Variants in SFMBT1 observed in about 807,000 individuals in gnomAD.
SFMBT1 encodes Scm like with four mbt domains 1, also known as scm-like with four MBT domains protein 1.
A neutral mutation model predicts 108.7 loss-of-function variants in SFMBT1; 32 were observed. The ratio of observed to expected loss-of-function variants is 0.29; its 90% CI spans 0.22 to 0.40. The LOEUF (loss-of-function observed/expected upper bound fraction) is 0.40, where lower values mean the gene tolerates loss of function less well. SFMBT1 is among the 10% of genes least tolerant of loss of function. The pLI is 1.00. For missense variants in SFMBT1, 816 were observed against 1,059.6 expected (o/e 0.77, Z 3.19); for synonymous variants, 348 against 369.5 (o/e 0.94, Z 0.67).
At position 53,002,967 on chromosome 3, in the gene SFMBT1, T is replaced by TA. The variant is rs112121597; in HGVS notation, c.-130-33710dup. ...TAAAACCCTGTCACTACTCAAAATA[T>TA]AAAAATTAGCCAGGTATGGTAGCAC... On this transcript the variant is annotated intron_variant, in intron 1 of 20. Transcript: ENST00000394752. Among the ~76,000 whole-genome samples the TA allele has an allele frequency of 2.6e-3, 384 of 148,832 alleles. 9 individuals carry two copies. The highest frequency in any genetic ancestry group is 8.9e-3 in the African/African-American group (365 of 41,088).
intron 1 of SFMBT1, among the ~76,000 whole-genome samples, chr3:53,018,553 AC>A (rs1370471855): frequency 6.6e-6 from 1 of 151,476 alleles, no homozygotes; most frequent in African/African-American, 2.4e-5. Context: ...GTAAAAGAAA[AC>A]CCCTTTGTGC....
At chr3:53,036,544 C>T (rs1179540041) in intron 1 of SFMBT1, among the ~76,000 whole-genome samples, 1 of 152,206 alleles carries the variant, frequency 6.6e-6, no homozygotes, top group East Asian at 1.9e-4. Flanking sequence ...GGACTGGCGT[C>T]TTTGGGGTAG....
chr3:53,044,231 T>C (rs1489991592), intron 1 of SFMBT1, among the ~76,000 whole-genome samples: 1 of 152,222 alleles, frequency 6.6e-6, no homozygotes, highest in African/African-American at 2.4e-5. Context: ...CCTCTCAAAA[T>C]ATACACTGTG....
At chr3:53,008,856 C>T (rs1218419751) in intron 1 of SFMBT1, among the ~76,000 whole-genome samples, 2 of 151,956 alleles carry the variant, frequency 1.3e-5, no homozygotes, top group Non-Finnish European at 2.9e-5. Flanking sequence ...AGGATGGTCT[C>T]CATCTCCTGA....
At chr3:52,983,641 G>A (rs1054118304) in intron 1 of SFMBT1, among the ~76,000 whole-genome samples, 3 of 152,194 alleles carry the variant, frequency 2.0e-5, no homozygotes, top group Admixed American at 1.3e-4. Flanking sequence ...AGGGAAATGA[G>A]GAAGTGAGCC....
At chr3:52,916,705 C>CAAA (rs58766465) in intron 13 of SFMBT1, among the ~76,000 whole-genome samples, 71 of 151,082 alleles carry the variant, frequency 4.7e-4, no homozygotes, top group South Asian at 8.3e-4. Context: ...ACAACAACAA[C>CAAA]AAAAAACTAC....
chr3:53,034,383 C>G (rs1699797500), intron 1 of SFMBT1, among the ~76,000 whole-genome samples: 1 of 151,996 alleles, frequency 6.6e-6, no homozygotes, highest in African/African-American at 2.4e-5. Context: ...TTGAGACCAG[C>G]CTGACCAACA....
intron 10 of SFMBT1, among the ~76,000 whole-genome samples, chr3:52,925,631 T>C (rs765904161): frequency 1.3e-5 from 2 of 152,256 alleles, no homozygotes; most frequent in African/African-American, 2.4e-5. Context: ...ACTGCTATTT[T>C]ACCTTCTAAG....
chr3:53,026,011 T>C (rs542408784), intron 1 of SFMBT1, among the ~76,000 whole-genome samples: 5 of 152,370 alleles, frequency 3.3e-5, no homozygotes, highest in Admixed American at 3.3e-4. Context: ...AATGGATGGG[T>C]TAAGTGATGT....
At chr3:53,031,725 TAA>T (rs1363995510) in intron 1 of SFMBT1, among the ~76,000 whole-genome samples, 1 of 152,250 alleles carries the variant, frequency 6.6e-6, no homozygotes, top group East Asian at 1.9e-4. Flanking sequence ...CCATGGTGAT[TAA>T]AAGACAGACA....
chr3:52,938,323 T>A (rs57465047), intron 4 of SFMBT1, among the ~76,000 whole-genome samples: 4,431 of 152,150 alleles, frequency 0.029, 256 homozygotes, highest in African/African-American at 0.1. Context: ...TTTCATATTG[T>A]TAAATGTTAT....
Position 52,907,662 on chromosome 3 carries a change from C to A in SFMBT1, c.1978G>T (p.Ala660Ser). ...PPGGHSNLACALKKASKRRKR... is the reference protein window; with the variant it reads ...PPGGHSNLACSLKKASKRRKR... ...CTCCTCTTACTGGCTTTTTTCAGGG[C>A]ACAAGCTAAGTTACTATGCCCACCA... Residue 660 changes from alanine to serine, a missense_variant, in exon 18 of 21, where the codon GCC becomes TCC. Around this residue, in one of 5 missense-constraint regions of SFMBT1, gnomAD observed 177 missense variants for 182.0 expected, o/e 0.97. Coordinates refer to ENST00000394752, the MANE Select transcript of SFMBT1 (RefSeq NM_016329.4). 3 of 1,614,142 alleles carry A rather than the reference C, an allele frequency of 1.9e-6. No homozygotes were observed. Among genetic ancestry groups the A allele is most frequent in the Non-Finnish European group, 2.5e-6 (3 of 1,180,022 alleles).
intron 1 of SFMBT1, among the ~76,000 whole-genome samples, chr3:53,038,004 G>A (rs1039298564): frequency 3.3e-5 from 5 of 152,048 alleles, no homozygotes; most frequent in South Asian, 2.1e-4. Flanking sequence ...CCAGCTACTC[G>A]GGAGGCTGAG....
chr3:52,989,927 G>T (rs541128326), intron 1 of SFMBT1, among the ~76,000 whole-genome samples: 1 of 152,252 alleles, frequency 6.6e-6, no homozygotes, highest in South Asian at 2.1e-4. Flanking sequence ...TTCATTATTT[G>T]CAAATTAACA....
rs1379549740 is a variant in SFMBT1 at position 52,954,319 on chromosome 3, G to A, written c.121C>T (p.His41Tyr). 2 of 1,608,680 alleles carry A rather than the reference G, an allele frequency of 1.2e-6. No homozygotes were observed. The highest frequency in any genetic ancestry group is 1.7e-6 in the Non-Finnish European group (2 of 1,176,506). Reference protein sequence around the residue: ...STAVPYGSFKHVDTRLQNGFA... With the variant: ...STAVPYGSFKYVDTRLQNGFA... ...AGGCAAATATAGTTATTGCTTACATGTTTAAAAGACCCATAGGGAACTGCT... is the reference window on the plus strand; with the variant it reads ...AGGCAAATATAGTTATTGCTTACATATTTAAAAGACCCATAGGGAACTGCT... The change falls in exon 3 of 21, where the codon CAT becomes TAT. Residue 41 changes from histidine to tyrosine, a missense_variant and splice_region_variant. Coordinates refer to ENST00000394752, the MANE Select transcript of SFMBT1 (RefSeq NM_016329.4).
intron 4 of SFMBT1, among the ~76,000 whole-genome samples, chr3:52,941,639 G>A (rs1025267915): frequency 1.7e-4 from 26 of 149,666 alleles, no homozygotes; most frequent in African/African-American, 6.2e-4. Context: ...AGGTGTGGTG[G>A]TTCATGCCTG....
intron 1 of SFMBT1, among the ~76,000 whole-genome samples, chr3:52,993,604 G>C (rs1027175108): frequency 6.7e-6 from 1 of 149,638 alleles, no homozygotes; most frequent in Non-Finnish European, 1.5e-5. Flanking sequence ...ATAACTCCTA[G>C]TAGGAGGTAC....
At position 52,903,749 on chromosome 3, in the gene SFMBT1, T is replaced by C. The variant is rs568047843; in HGVS notation, c.*1387A>G. On this transcript the variant is annotated 3_prime_UTR_variant, in exon 21 of 21. Coordinates refer to ENST00000394752, the MANE Select transcript of SFMBT1 (RefSeq NM_016329.4). ...GGAGACAACCTATGTATGTTTTTCC[T>C]CACTCCTCATGACTAGAATAGTGCA... The C allele has an allele frequency of 8.5e-5, 13 of 152,316 alleles. No individual in the cohort carries two copies. Among genetic ancestry groups the C allele is most frequent in the African/African-American group, 3.1e-4 (13 of 41,568 alleles). 9.4% of individuals were successfully genotyped at this position (152,316 alleles called of 1,614,324 possible).
At chr3:52,998,349 G>A (rs1035216570) in intron 1 of SFMBT1, among the ~76,000 whole-genome samples, 5 of 150,112 alleles carry the variant, frequency 3.3e-5, no homozygotes, top group Admixed American at 6.7e-5. Flanking sequence ...CCGAGATCGC[G>A]CCACTGCACT....
Sources: allele counts gnomAD v4.1 joint callset (sites outside exome capture counted in the v4.1 genomes callset), GRCh38; gene constraint gnomAD v4.1.1; regional missense constraint gnomAD v4.1.1; transcripts MANE v1.5; gene names NCBI Gene and HGNC (gene_info 2026-07-23, HGNC 2026-07-21).